Variants in EYA2 observed in about 807,000 individuals in gnomAD.
EYA2 encodes the protein EYA transcriptional coactivator and phosphatase 2.
EYA2 carries 31 observed loss-of-function variants against 69.2 expected under a neutral mutation model. That is an observed-to-expected ratio of 0.45 (90% CI 0.34 to 0.60). The LOEUF is 0.60. EYA2 is among the 20% of genes least tolerant of loss of function. The pLI is 0.02. For synonymous variants in EYA2, 257 were observed against 279.4 expected, an observed-to-expected ratio of 0.92 and a Z score of 0.80; for missense variants, 622 against 701.2, an observed-to-expected ratio of 0.89 and a Z score of 1.28.
At chr20:47,100,970 A>G (rs1269357849) in intron 9 of EYA2, among the ~76,000 whole-genome samples, 1 of 152,254 alleles carries the variant, frequency 6.6e-6, no homozygotes, top group Non-Finnish European at 1.5e-5. Context: ...AGCATTGGCA[A>G]GATAAATCAT....
chr20:46,969,237 T>C (rs746867484), intron 1 of EYA2, among the ~76,000 whole-genome samples: 2 of 152,146 alleles, frequency 1.3e-5, no homozygotes, highest in Non-Finnish European at 2.9e-5. Context: ...TTTGTTTGTT[T>C]GTTTTTTTGA....
intron 4 of EYA2, among the ~76,000 whole-genome samples, chr20:47,008,704 A>C (rs906889384): frequency 6.6e-6 from 1 of 152,232 alleles, no homozygotes; most frequent in African/African-American, 2.4e-5. Context: ...TGATAAGAGC[A>C]CATGTCCTGG....
In EYA2 at chr20:47,072,266, C is replaced by T. The variant is rs1286766742; in HGVS notation, c.483+14C>T. Reference sequence around the variant, plus strand: ...AGTGTGCACCAGGTAGACATGGCTCCCTCCCGATTCTTTCCTCAGTTCTTT... The same window carrying T: ...AGTGTGCACCAGGTAGACATGGCTCTCTCCCGATTCTTTCCTCAGTTCTTT... On this transcript the variant is annotated intron_variant, in intron 6 of 15. Transcript: ENST00000327619. The T allele has an allele frequency of 3.1e-6, 5 of 1,604,448 alleles. No homozygotes were observed. The highest frequency in any genetic ancestry group is 4.3e-6 in the Non-Finnish European group (5 of 1,174,414).
intron 1 of EYA2, among the ~76,000 whole-genome samples, chr20:46,962,092 G>A (rs1027216034): frequency 4.6e-5 from 7 of 152,184 alleles, no homozygotes; most frequent in African/African-American, 7.2e-5. Flanking sequence ...GCAGTAGCAC[G>A]ATCAAGGCTC....
At chr20:47,121,913 C>A (rs948256505) in intron 9 of EYA2, among the ~76,000 whole-genome samples, 3 of 152,200 alleles carry the variant, frequency 2.0e-5, no homozygotes, top group African/African-American at 7.2e-5. Flanking sequence ...CAAACTTGCC[C>A]TCCAACCCCA....
At chr20:46,899,350 C>T (rs1983978397) in intron 1 of EYA2, among the ~76,000 whole-genome samples, 1 of 152,158 alleles carries the variant, frequency 6.6e-6, no homozygotes, top group Admixed American at 6.5e-5. Flanking sequence ...AATGGGGAAA[C>T]AAAATCATAT....
At chr20:46,898,470 C>T (rs1275264085) in intron 1 of EYA2, among the ~76,000 whole-genome samples, 1 of 151,908 alleles carries the variant, frequency 6.6e-6, no homozygotes, top group African/African-American at 2.4e-5. Flanking sequence ...ATCTCCATCC[C>T]CCAATGTCAT....
chr20:46,941,343 C>T (rs1382597707), intron 1 of EYA2, among the ~76,000 whole-genome samples: 3 of 152,196 alleles, frequency 2.0e-5, no homozygotes, highest in African/African-American at 2.4e-5. Context: ...TTAAGTCCAC[C>T]GGAAGTAGAA....
chr20:46,990,165 A>G (rs781469037), intron 2 of EYA2, 46 bp downstream of exon 2: 43 of 1,019,482 alleles, frequency 4.2e-5, no homozygotes, highest in Non-Finnish European at 6.6e-5. Flanking sequence ...TGGTGGTCCT[A>G]GGTCACCCTG....
chr20:46,897,400 T>TGACAA (rs1257470654), intron 1 of EYA2, among the ~76,000 whole-genome samples: 2 of 152,206 alleles, frequency 1.3e-5, no homozygotes, highest in Non-Finnish European at 2.9e-5. Flanking sequence ...GGATCCTCCG[T>TGACAA]GACAAGATGA....
intron 15 of EYA2, among the ~76,000 whole-genome samples, chr20:47,186,726 C>A (rs1015470366): frequency 2.0e-5 from 3 of 152,162 alleles, no homozygotes; most frequent in African/African-American, 7.2e-5. Context: ...CCATCCCATT[C>A]ACTTCTACCA....
chr20:47,183,823 G>T (rs2146678169), intron 15 of EYA2, among the ~76,000 whole-genome samples: 1 of 152,252 alleles, frequency 6.6e-6, no homozygotes, highest in East Asian at 1.9e-4. Context: ...AGAGGGCAGG[G>T]GGTTCTGGTG....
At chr20:46,921,508 A>T (rs1985177310) in intron 1 of EYA2, among the ~76,000 whole-genome samples, 1 of 152,174 alleles carries the variant, frequency 6.6e-6, no homozygotes, top group Non-Finnish European at 1.5e-5. Flanking sequence ...TTCTAAGTGC[A>T]GACCTGTGAC....
rs184671262 is a variant in EYA2, at chr20:47,019,256, G to A, written c.415+2959G>A. The stretch of plus-strand genomic sequence containing the variant: ...TCGCCCTACCATGGGAATCGTCCAG[G>A]TTATTTTCTTATCCTCCTCACAGCC... On this transcript the variant is annotated intron_variant, in intron 5 of 15. Transcript: ENST00000327619. 2.6e-5 allele frequency among the ~76,000 whole-genome samples: 4 copies of A among 152,284 alleles called. No individual in the cohort carries two copies. The East Asian group carries it at 7.7e-4, about 29-fold the overall frequency.
chr20:47,051,903 A>G (rs888610081), intron 5 of EYA2, among the ~76,000 whole-genome samples: 1 of 152,236 alleles, frequency 6.6e-6, no homozygotes, highest in South Asian at 2.1e-4. Flanking sequence ...GGCTCAGCAT[A>G]GTGCCCGGCA....
chr20:47,013,056 CAAAA>C (rs751708888), intron 4 of EYA2, among the ~76,000 whole-genome samples: 2 of 152,224 alleles, frequency 1.3e-5, no homozygotes, highest in South Asian at 2.1e-4. Context: ...CTTCAGCAAA[CAAAA>C]GAAGAGATGA....
chr20:46,953,860 CGTT>C, intron 1 of EYA2, among the ~76,000 whole-genome samples: 1 of 152,302 alleles, frequency 6.6e-6, no homozygotes, highest in Middle Eastern at 3.4e-3. Context: ...AAGGAGCTCT[CGTT>C]GGGATGACCA....
At chr20:47,084,431 C>T (rs1272085001) in intron 7 of EYA2, among the ~76,000 whole-genome samples, 1 of 152,156 alleles carries the variant, frequency 6.6e-6, no homozygotes, top group Non-Finnish European at 1.5e-5. Flanking sequence ...GTCCCAGCTA[C>T]TCAGGAGGCT....
intron 8 of EYA2, among the ~76,000 whole-genome samples, chr20:47,089,780 G>A (rs1047857963): frequency 6.6e-6 from 1 of 152,174 alleles, no homozygotes; most frequent in African/African-American, 2.4e-5. Flanking sequence ...ATGGGCCTCC[G>A]ACCTTCCAGC....
Sources: gnomAD v4.1 joint callset for allele counts (sites outside exome capture counted in the v4.1 genomes callset) on GRCh38, gnomAD v4.1.1 for gene constraint, MANE v1.5 for transcripts, NCBI Gene and HGNC (gene_info 2026-07-23, HGNC 2026-07-21) for gene names.